Variants in OSBP2 observed in about 807,000 individuals in gnomAD.
OSBP2 encodes the protein oxysterol-binding protein 2.
OSBP2 carries 66 observed loss-of-function variants against 96.0 expected under a neutral mutation model. The observed-to-expected ratio is 0.69, with a 90% CI of 0.56 to 0.84. The LOEUF (loss-of-function observed/expected upper bound fraction) is 0.84, where lower values mean the gene tolerates loss of function less well. Ranked by LOEUF, OSBP2 falls within the 40% of genes least tolerant of loss-of-function variation. The probability of loss-of-function intolerance (pLI) is 0.00; values close to 1 mark genes in which losing one functional copy is unlikely to be tolerated. For missense variants in OSBP2, 1,038 were observed against 1,222.7 expected, an observed-to-expected ratio of 0.85 and a Z score of 2.25; for synonymous variants, 525 against 520.9, an observed-to-expected ratio of 1.01 and a Z score of -0.11.
intron 2 of OSBP2, among the ~76,000 whole-genome samples, chr22:30,761,666 C>T (rs2090205936): frequency 6.6e-6 from 1 of 152,134 alleles, no homozygotes; most frequent in Non-Finnish European, 1.5e-5. Context: ...GGAGTAATTA[C>T]TCAATTTTAA....
chr22:30,741,758 C>A (rs2089940204), intron 2 of OSBP2, among the ~76,000 whole-genome samples: 1 of 152,142 alleles, frequency 6.6e-6, no homozygotes, highest in South Asian at 2.1e-4. Flanking sequence ...GAGCTGCTGT[C>A]TTTGCCTATT....
intron 2 of OSBP2, among the ~76,000 whole-genome samples, chr22:30,811,718 C>A (rs1423356887): frequency 6.6e-6 from 1 of 151,934 alleles, no homozygotes; most frequent in Non-Finnish European, 1.5e-5. Flanking sequence ...CCACACCCGG[C>A]CAATTTTTGT....
At chr22:30,778,170 C>CTT (rs71202014) in intron 2 of OSBP2, among the ~76,000 whole-genome samples, 1 of 67,016 alleles carries the variant, frequency 1.5e-5, no homozygotes. Context: ...AATTTTTGCC[C>CTT]TTTTTTTTTT....
At chr22:30,710,457 G>A (rs934689452) in intron 1 of OSBP2, among the ~76,000 whole-genome samples, 1 of 152,146 alleles carries the variant, frequency 6.6e-6, no homozygotes, top group Non-Finnish European at 1.5e-5. Flanking sequence ...AGATGCTCAT[G>A]TTGTCCGGCC....
intron 2 of OSBP2, among the ~76,000 whole-genome samples, chr22:30,816,513 C>T (rs1413598234): frequency 3.3e-5 from 5 of 152,152 alleles, no homozygotes; most frequent in African/African-American, 7.2e-5. Context: ...GGTAGCCTGG[C>T]CCACCAGCAG....
At chr22:30,732,812 A>T (rs1195986510) in intron 1 of OSBP2, among the ~76,000 whole-genome samples, 6 of 152,170 alleles carry the variant, frequency 3.9e-5, no homozygotes, top group African/African-American at 1.4e-4. Flanking sequence ...GTCCCCGCTA[A>T]GCCAGTAGGC....
intron 2 of OSBP2, among the ~76,000 whole-genome samples, chr22:30,843,449 C>T (rs987996321): frequency 2.4e-5 from 3 of 126,984 alleles, no homozygotes; most frequent in East Asian, 2.1e-4. Context: ...ATCTTTCCCC[C>T]CTCCCCCTTG....
Position 30,695,572 on chromosome 22 carries a change from G to A in OSBP2, c.644+19G>A, listed in dbSNP as rs1239659331. ...ACTACAGGTATGGAAGCGCCAGGGT[G>A]GGACATGGGGGTTGGAGGGTGGTGA... On this transcript the variant is annotated intron_variant, in intron 1 of 13. Coordinates refer to ENST00000332585, the MANE Select transcript of OSBP2 (RefSeq NM_030758.4). 6.3e-7 allele frequency: 1 copy of A among 1,589,866 alleles called. No individual in the cohort carries two copies. The highest frequency in any genetic ancestry group is 8.5e-7 in the Non-Finnish European group (1 of 1,172,878).
chr22:30,899,208 G>A (rs970570561), intron 12 of OSBP2, among the ~76,000 whole-genome samples: 1 of 151,722 alleles, frequency 6.6e-6, no homozygotes, highest in African/African-American at 2.4e-5. Flanking sequence ...GCAAGACCCT[G>A]TCTCTACAAA....
chr22:30,895,130 C>T (rs2040034295), intron 12 of OSBP2, among the ~76,000 whole-genome samples: 1 of 151,898 alleles, frequency 6.6e-6, no homozygotes, highest in Admixed American at 6.6e-5. Flanking sequence ...TGCTCAAAGG[C>T]CCCCCCGCCA....
intron 2 of OSBP2, among the ~76,000 whole-genome samples, chr22:30,792,515 T>C (rs1447945714): frequency 6.6e-6 from 1 of 152,170 alleles, no homozygotes; most frequent in African/African-American, 2.4e-5. Flanking sequence ...TTTTAATGAA[T>C]AGTCTCTTTA....
chr22:30,753,006 C>A (rs1419705060), intron 2 of OSBP2, among the ~76,000 whole-genome samples: 1 of 152,152 alleles, frequency 6.6e-6, no homozygotes, highest in African/African-American at 2.4e-5. Flanking sequence ...CATCATGACC[C>A]TAGCTACTTT....
Position 30,827,871 on chromosome 22 carries a change from A to G in OSBP2, c.854-42558A>G, listed in dbSNP as rs9619139. Among the ~76,000 whole-genome samples the G allele has an allele frequency of 9.7e-3, 1,474 of 152,330 alleles. 19 individuals carry two copies. The highest frequency in any genetic ancestry group is 0.031 in the African/African-American group (1,270 of 41,572). ...AGCAAGGAAGATAATCATTGGCCAT[A>G]TCATTGTACAGATGGGGAAACTGAG... On this transcript the variant is annotated intron_variant, in intron 2 of 13. Transcript: ENST00000332585.
At chr22:30,713,611 C>T (rs1056450965) in intron 1 of OSBP2, among the ~76,000 whole-genome samples, 2 of 152,014 alleles carry the variant, frequency 1.3e-5, no homozygotes, top group Non-Finnish European at 2.9e-5. Context: ...CAGATGCACA[C>T]CACTATGCTT....
chr22:30,893,258 G>C lies in OSBP2; in HGVS notation c.1990+16G>C, dbSNP rs372206917. 312 of 1,613,886 alleles carry C rather than the reference G, an allele frequency of 1.9e-4. No individual in the cohort carries two copies. The highest frequency in any genetic ancestry group is 2.6e-4 in the Non-Finnish European group (306 of 1,179,956). On this transcript the variant is annotated intron_variant, in intron 9 of 13. Coordinates refer to ENST00000332585, the MANE Select transcript of OSBP2 (RefSeq NM_030758.4). Reference sequence around the variant, plus strand: ...ATGCCGCTAGGTGAGCTGGGGCCCGGTGCCTTCCTGGGACACAGAGACATT... The same window carrying C: ...ATGCCGCTAGGTGAGCTGGGGCCCGCTGCCTTCCTGGGACACAGAGACATT...
Position 30,863,976 on chromosome 22 carries a change from G to GT in OSBP2, c.854-6441dup, listed in dbSNP as rs910786315. Among the ~76,000 whole-genome samples the GT allele has an allele frequency of 8.5e-3, 1,220 of 143,544 alleles. 12 individuals are homozygous for GT. The highest frequency in any genetic ancestry group is 0.04 in the East Asian group (199 of 4,976). 94.2% of individuals were successfully genotyped at this position (143,544 alleles called of 152,430 possible). ...GAAGCCATCATGTTTTTTTTTTGTTGTTTTTTTTTTTTGAAACGGAGTCTG... is the reference window on the plus strand; with the variant it reads ...GAAGCCATCATGTTTTTTTTTTGTTGTTTTTTTTTTTTTGAAACGGAGTCTG... On this transcript the variant is annotated intron_variant, in intron 2 of 13. Transcript: ENST00000332585.
At chr22:30,783,822 G>A (rs949383510) in intron 2 of OSBP2, among the ~76,000 whole-genome samples, 7 of 152,116 alleles carry the variant, frequency 4.6e-5, no homozygotes, top group South Asian at 4.1e-4. Context: ...GCTCTTGCTC[G>A]CAACATTGCC....
chr22:30,790,556 T>G lies in OSBP2; in HGVS notation c.853+49187T>G, dbSNP rs145979870. 4.3e-3 allele frequency among the ~76,000 whole-genome samples: 653 copies of G among 151,988 alleles called. 7 individuals are homozygous for G. Among genetic ancestry groups the G allele is most frequent in the African/African-American group, 0.015 (631 of 41,418 alleles). ...GTGGTTGCTCCAAGGCAGTTTCTAC[T>G]GCTGCTTGCTCATGTGTCTGTAGCT... On this transcript the variant is annotated intron_variant, in intron 2 of 13. Coordinates refer to ENST00000332585, the MANE Select transcript of OSBP2 (RefSeq NM_030758.4).
At chr22:30,792,010 G>A (rs927843620) in intron 2 of OSBP2, among the ~76,000 whole-genome samples, 36 of 152,182 alleles carry the variant, frequency 2.4e-4, no homozygotes, top group Admixed American at 2.0e-3. Context: ...TTTAGGAACC[G>A]CATACAGAAG....
Sources: gnomAD v4.1 joint callset for allele counts (sites outside exome capture counted in the v4.1 genomes callset) on GRCh38, gnomAD v4.1.1 for gene constraint, MANE v1.5 for transcripts, NCBI Gene and HGNC (gene_info 2026-07-23, HGNC 2026-07-21) for gene names.